CLHC1: variants seen among roughly 807,000 people sequenced by gnomAD.
CLHC1 encodes the protein clathrin heavy chain linker domain-containing protein 1.
CLHC1 carries 72 observed loss-of-function variants against 69.5 expected under a neutral mutation model. The ratio of observed to expected loss-of-function variants is 1.04; its 90% CI spans 0.86 to 1.26. The LOEUF is 1.26. Ranked by LOEUF, CLHC1 falls within the 50% of genes most tolerant of loss-of-function variation. The pLI, the probability that CLHC1 is intolerant of heterozygous loss-of-function variation, is 0.00. For missense variants in CLHC1, 790 were observed against 679.3 expected (o/e 1.16, Z -1.81); for synonymous variants, 223 against 224.3 (o/e 0.99, Z 0.05).
chr2:55,227,993 C>G (rs1482326028), intron 2 of CLHC1, 39 bp downstream of exon 2: 1 of 152,118 alleles, frequency 6.6e-6, no homozygotes, highest in Non-Finnish European at 1.5e-5. Context: ...ATATTACCCC[C>G]AACCCCCAAA....
chr2:55,184,545 ATCT>A (rs1187915903), intron 9 of CLHC1, among the ~76,000 whole-genome samples: 1 of 152,160 alleles, frequency 6.6e-6, no homozygotes, highest in East Asian at 1.9e-4. Context: ...ATAACATTCT[ATCT>A]TCTTCATGTT....
intron 9 of CLHC1, among the ~76,000 whole-genome samples, chr2:55,197,542 A>G (rs989169936): frequency 3.3e-5 from 5 of 151,990 alleles, no homozygotes; most frequent in Non-Finnish European, 7.4e-5. Context: ...ACTTGGAGAG[A>G]CTCCATTTTA....
chr2:55,226,776 TGCAGGGC>T (rs1265241312), intron 2 of CLHC1, among the ~76,000 whole-genome samples: 1 of 152,032 alleles, frequency 6.6e-6, no homozygotes, highest in Non-Finnish European at 1.5e-5. Flanking sequence ...AAACTAGAGG[TGCAGGGC>T]ACCATGTCTG....
At chr2:55,221,008 T>C (rs1674059831) in intron 3 of CLHC1, among the ~76,000 whole-genome samples, 1 of 152,208 alleles carries the variant, frequency 6.6e-6, no homozygotes, top group South Asian at 2.1e-4. Context: ...TGAATACGTA[T>C]CAACTTTCCT....
At chr2:55,230,332 C>A (rs1012976035) in intron 1 of CLHC1, among the ~76,000 whole-genome samples, 2 of 152,024 alleles carry the variant, frequency 1.3e-5, no homozygotes, top group African/African-American at 4.8e-5. Flanking sequence ...AGTTTTTGGC[C>A]TTAGTGACTG....
In CLHC1 at chr2:55,186,642, A is replaced by G. The variant is rs117897277; in HGVS notation, c.1007-4898T>C. ...AACCAGGCATGGTGGGTATGCCTATACTCCCACCAGTATAGGGAGCTACTT... is the reference window on the plus strand; with the variant it reads ...AACCAGGCATGGTGGGTATGCCTATGCTCCCACCAGTATAGGGAGCTACTT... On this transcript the variant is annotated intron_variant, in intron 9 of 12. Transcript: ENST00000401408. Among the ~76,000 whole-genome samples the G allele has an allele frequency of 3.8e-4, 57 of 151,652 alleles. 1 individual carries two copies. The East Asian group carries it at 0.011, about 29-fold the overall frequency.
intron 11 of CLHC1, among the ~76,000 whole-genome samples, chr2:55,178,614 C>T (rs1283742067): frequency 6.6e-6 from 1 of 151,720 alleles, no homozygotes; most frequent in African/African-American, 2.4e-5. Flanking sequence ...TCAGCCTTCC[C>T]AGTAGCTGAG....
chr2:55,184,390 C>T (rs1670221604), intron 9 of CLHC1, among the ~76,000 whole-genome samples: 1 of 152,086 alleles, frequency 6.6e-6, no homozygotes, highest in South Asian at 2.1e-4. Context: ...CAGGCATGAG[C>T]CACCACACCT....
At chr2:55,225,554 T>C (rs1338287174) in intron 2 of CLHC1, 1 of 152,242 alleles carries the variant, frequency 6.6e-6, no homozygotes, top group East Asian at 1.9e-4. Flanking sequence ...TCTGGCTTCA[T>C]CTCGGGCCCC....
intron 4 of CLHC1, 120 bp from the exon 5 acceptor site, chr2:55,212,926 G>T: frequency 1.3e-6 from 1 of 742,796 alleles, no homozygotes; most frequent in Non-Finnish European, 2.2e-6. Flanking sequence ...TAGGTGAAAT[G>T]CCCTGAAAAA....
intron 3 of CLHC1, among the ~76,000 whole-genome samples, chr2:55,220,672 AG>A (rs1414145961): frequency 5.9e-5 from 9 of 152,206 alleles, no homozygotes; most frequent in Non-Finnish European, 1.0e-4. Flanking sequence ...TAAAGCAGAG[AG>A]CTCTTCATGT....
chr2:55,178,490 AT>A (rs1669616455), intron 11 of CLHC1, among the ~76,000 whole-genome samples: 1 of 152,092 alleles, frequency 6.6e-6, no homozygotes, highest in Non-Finnish European at 1.5e-5. Context: ...GTATTCTTAA[AT>A]TTTTTCAAAA....
chr2:55,186,224 T>A (rs1365051630), intron 9 of CLHC1, among the ~76,000 whole-genome samples: 1 of 152,106 alleles, frequency 6.6e-6, no homozygotes, highest in East Asian at 1.9e-4. Context: ...GTTGAAACAT[T>A]AGAGACCAGG....
At chr2:55,191,425 G>A (rs545022442) in intron 9 of CLHC1, among the ~76,000 whole-genome samples, 5 of 152,086 alleles carry the variant, frequency 3.3e-5, no homozygotes, top group Admixed American at 6.6e-5. Context: ...TAGTAGAGAC[G>A]GGGTTTCACC....
Position 55,174,425 on chromosome 2 carries a change from AGT to A in CLHC1, c.*1363_*1364del, listed in dbSNP as rs1669204150. Reference sequence around the variant, plus strand: ...AAGGATAAACATATAAATACAAATGAGTAGACATATGGGATTTAGTAAGTACA... The same window carrying A: ...AAGGATAAACATATAAATACAAATGAAGACATATGGGATTTAGTAAGTACA... On this transcript the variant is annotated 3_prime_UTR_variant, in exon 13 of 13. Coordinates refer to ENST00000401408, the MANE Select transcript of CLHC1 (RefSeq NM_152385.4). 1.3e-5 allele frequency among the ~76,000 whole-genome samples: 2 copies of A among 152,252 alleles called. No individual in the cohort carries two copies. The highest frequency in any genetic ancestry group is 4.8e-5 in the African/African-American group (2 of 41,464).
chr2:55,224,450 T>A lies in CLHC1; in HGVS notation c.-82-1957A>T, dbSNP rs145190466. ...TCCCTTCACCTCCGACAATGTCAGA[T>A]TCCTGGTCCTTAGCTGGCGCTGCAG... is the stretch of plus-strand genomic sequence containing the variant. On this transcript the variant is annotated intron_variant, in intron 2 of 12. Coordinates refer to ENST00000401408, the MANE Select transcript of CLHC1 (RefSeq NM_152385.4). 1.2e-4 allele frequency: 49 copies of A among 412,342 alleles called. No homozygotes were observed. In the East Asian group the frequency reaches 2.9e-3, roughly 25 times the overall value. 25.5% of individuals were successfully genotyped at this position (412,342 alleles called of 1,614,324 possible).
At chr2:55,180,073 G>C (rs2103671807) in intron 11 of CLHC1, among the ~76,000 whole-genome samples, 1 of 151,912 alleles carries the variant, frequency 6.6e-6, no homozygotes, top group South Asian at 2.1e-4. Context: ...AGAATGGTGT[G>C]AACCCAGGAG....
chr2:55,217,780 C>T (rs766485495), intron 4 of CLHC1, 31 bp downstream of exon 4: 32 of 1,396,290 alleles, frequency 2.3e-5, no homozygotes, highest in Middle Eastern at 1.9e-4. Flanking sequence ...CAACAACTAC[C>T]ATCTTTTGGG....
At chr2:55,184,659 C>T (rs918734156) in intron 9 of CLHC1, among the ~76,000 whole-genome samples, 3 of 152,034 alleles carry the variant, frequency 2.0e-5, no homozygotes, top group Non-Finnish European at 4.4e-5. Flanking sequence ...GTAATCCCAG[C>T]ACTTTGGGAG....
Sources: gnomAD v4.1 joint callset for allele counts (sites outside exome capture counted in the v4.1 genomes callset) on GRCh38, gnomAD v4.1.1 for gene constraint, MANE v1.5 for transcripts, NCBI Gene and HGNC (gene_info 2026-07-23, HGNC 2026-07-21) for gene names.